The following TBC1D16 variants were observed in gnomAD, a reference collection of about 807,000 sequenced individuals.
TBC1D16 encodes CTD-2529O21.1.
Under a neutral mutation model 74.7 loss-of-function variants are expected in TBC1D16, and 58 were observed. The observed-to-expected ratio is 0.78, with a 90% CI of 0.63 to 0.97. The LOEUF (loss-of-function observed/expected upper bound fraction) is 0.97. TBC1D16 is among the 50% of genes least tolerant of loss of function. The pLI, the probability that TBC1D16 is intolerant of heterozygous loss-of-function variation, is 0.00. For synonymous variants in TBC1D16, 493 were observed against 474.7 expected, an observed-to-expected ratio of 1.04 and a Z score of -0.50; for missense variants, 1,014 against 1,079.5, an observed-to-expected ratio of 0.94 and a Z score of 0.85.
chr17:79,932,609 C>A lies in TBC1D16; in HGVS notation c.*8250G>T, dbSNP rs1275488616. 1 of 152,224 alleles carries A rather than the reference C, an allele frequency of 6.6e-6. No homozygotes were observed. The highest frequency in any genetic ancestry group is 2.4e-5 in the African/African-American group (1 of 41,450). 9.4% of individuals were successfully genotyped at this position (152,224 alleles called of 1,614,324 possible). ...GTGCCAATTCACATTGACTTGTAGC[C>A]ACTAGGACCCTGTGTCTTTTTCTAT... On this transcript the variant is annotated 3_prime_UTR_variant, in exon 12 of 12. Transcript: ENST00000310924.
intron 3 of TBC1D16, among the ~76,000 whole-genome samples, chr17:79,964,061 T>C (rs2033738387): frequency 6.6e-6 from 1 of 152,150 alleles, no homozygotes; most frequent in African/African-American, 2.4e-5. Context: ...CAGCAACCTC[T>C]GTTTTCCAGG....
At chr17:80,002,086 C>A (rs944833757) in intron 3 of TBC1D16, among the ~76,000 whole-genome samples, 2 of 152,164 alleles carry the variant, frequency 1.3e-5, no homozygotes, top group Admixed American at 6.5e-5. Flanking sequence ...GGATCCGGAA[C>A]GAGCAGAGCT....
At chr17:79,978,332 T>C (rs1177698449) in intron 3 of TBC1D16, among the ~76,000 whole-genome samples, 1 of 152,208 alleles carries the variant, frequency 6.6e-6, no homozygotes, top group African/African-American at 2.4e-5. Flanking sequence ...TCACGGCTAA[T>C]TAGGGAAGGT....
intron 1 of TBC1D16, among the ~76,000 whole-genome samples, chr17:80,025,063 T>C (rs1257058010): frequency 3.9e-5 from 3 of 77,778 alleles, no homozygotes; most frequent in Admixed American, 2.4e-4. Context: ...GCACACACAC[T>C]ATGACACACA....
rs555304949 is a variant in TBC1D16 at position 80,010,183 on chromosome 17, G to C, written c.756C>G (p.Ser252=). 5 of 1,611,032 alleles carry C rather than the reference G, an allele frequency of 3.1e-6. No individual in the cohort carries two copies. The highest frequency in any genetic ancestry group is 4.2e-6 in the Non-Finnish European group (5 of 1,178,668). Residue 252 remains serine (S), a synonymous_variant, in exon 3 of 12, where the codon TCC becomes TCG. Coordinates refer to ENST00000310924, the MANE Select transcript of TBC1D16 (RefSeq NM_019020.4). The surrounding 1 kb of genome is among the most constrained non-coding windows in gnomAD (Gnocchi z 8.8). ...ACCTGCTGTCACTTTCCAGAAACAC[G>C]GAGCCGCGGCTCTCGGCCAGCGCCG... ...ISAALAESRG[S]VFLESDSSPP...
intron 3 of TBC1D16, among the ~76,000 whole-genome samples, chr17:79,960,778 C>CAAA (rs1433555447): frequency 4.3e-5 from 1 of 23,150 alleles, no homozygotes; most frequent in Non-Finnish European, 8.4e-5. Flanking sequence ...AAACAAAAAC[C>CAAA]CAAAAAAAAA....
At chr17:79,962,377 G>C (rs2033656294) in intron 3 of TBC1D16, among the ~76,000 whole-genome samples, 2 of 151,386 alleles carry the variant, frequency 1.3e-5, no homozygotes, top group South Asian at 2.1e-4. Context: ...ACCACGCCTG[G>C]CTAATTTTTG....
In TBC1D16 at chr17:79,934,387, C is replaced by A. The variant is rs2031452218; in HGVS notation, c.*6472G>T. ...GGGATCATCCTTCCTGAGGAGCTGCCCTGCCCAGTCCCGTTGCCTTGGAGG... is the reference window on the plus strand; with the variant it reads ...GGGATCATCCTTCCTGAGGAGCTGCACTGCCCAGTCCCGTTGCCTTGGAGG... On this transcript the variant is annotated 3_prime_UTR_variant, in exon 12 of 12. Transcript: ENST00000310924. 6.6e-6 allele frequency: 1 copy of A among 152,296 alleles called. No individual in the cohort carries two copies. Among genetic ancestry groups the A allele is most frequent in the Non-Finnish European group, 1.5e-5 (1 of 68,110 alleles). The allele number at this position is 152,296 out of a possible 1,614,324, so 9.4% of individuals were successfully genotyped here.
intron 3 of TBC1D16, among the ~76,000 whole-genome samples, chr17:79,984,890 C>T (rs138042834): frequency 6.9e-6 from 1 of 145,500 alleles, no homozygotes; most frequent in South Asian, 2.5e-4. Flanking sequence ...TGGCTCCCCC[C>T]CACCCACCCC....
intron 3 of TBC1D16, among the ~76,000 whole-genome samples, chr17:79,995,775 ACT>A (rs1203176973): frequency 6.6e-6 from 1 of 151,928 alleles, no homozygotes; most frequent in African/African-American, 2.4e-5. Flanking sequence ...ACAGAGCGAA[ACT>A]CTGTCTCAAA....
rs375368830 is a variant in TBC1D16 at position 80,010,682 on chromosome 17, C to A, written c.257G>T (p.Arg86Leu). Residue 86 changes from arginine (R) to leucine (L), a missense_variant, in exon 3 of 12, where the codon CGC (arginine) becomes CTC (leucine). Arg to Leu is a moderately radical substitution (Grantham distance 102). Transcript: ENST00000310924. This position sits in a 1 kb window ranked among gnomAD's most constrained non-coding sequence, Gnocchi z 8.8. ...GGCCTCCTCGTCCTGCCTCTGGATG[C>A]GAGAGTTGGGGACCCATGCCAGGAT... ...TLILAWVPNS[R>L]IQRQDEEALR... The A allele has an allele frequency of 1.3e-6, 2 of 1,524,690 alleles. No homozygotes were observed. Among genetic ancestry groups the A allele is most frequent in the Admixed American group, 2.2e-5 (1 of 45,164 alleles). The allele number at this position is 1,524,690 out of a possible 1,614,324, so 94.4% of individuals were successfully genotyped here.
At chr17:80,024,061 G>C (rs937955128) in intron 1 of TBC1D16, 2 of 127,708 alleles carry the variant, frequency 1.6e-5, no homozygotes, top group Non-Finnish European at 3.6e-5. Flanking sequence ...CAAATCCCTC[G>C]CCGGCCGGCT....
chr17:79,981,624 G>A lies in TBC1D16; in HGVS notation c.779+28536C>T, dbSNP rs1254788148. ...TAAGCCATCCTACCAGCAACACTTCGTTTTCCAAAGCGGGGAGGCCAAACC... is the reference window on the plus strand; with the variant it reads ...TAAGCCATCCTACCAGCAACACTTCATTTTCCAAAGCGGGGAGGCCAAACC... On this transcript the variant is annotated intron_variant, in intron 3 of 11. Transcript: ENST00000310924. The surrounding 1 kb of genome is among the most constrained non-coding windows in gnomAD (Gnocchi z 6.9). 1.3e-5 allele frequency among the ~76,000 whole-genome samples: 2 copies of A among 152,352 alleles called. No homozygotes were observed. Among genetic ancestry groups the A allele is most frequent in the South Asian group, 2.1e-4 (1 of 4,828 alleles).
At chr17:79,947,363 G>A (rs1404423906) in intron 9 of TBC1D16, among the ~76,000 whole-genome samples, 1 of 152,186 alleles carries the variant, frequency 6.6e-6, no homozygotes, top group African/African-American at 2.4e-5. Flanking sequence ...TTCCTTGCCA[G>A]CCAGGGAGCT....
At chr17:80,003,690 G>A (rs2144614946) in intron 3 of TBC1D16, among the ~76,000 whole-genome samples, 1 of 152,140 alleles carries the variant, frequency 6.6e-6, no homozygotes, top group African/African-American at 2.4e-5. Context: ...CTAACACGTG[G>A]GCACACCTTC....
intron 3 of TBC1D16, among the ~76,000 whole-genome samples, chr17:80,002,964 C>G (rs951931762): frequency 1.3e-5 from 2 of 152,128 alleles, no homozygotes; most frequent in Non-Finnish European, 2.9e-5. Flanking sequence ...AAGCTCAGGT[C>G]CCAGCAGGGG....
intron 3 of TBC1D16, among the ~76,000 whole-genome samples, chr17:79,998,641 G>A (rs990917657): frequency 2.7e-5 from 4 of 149,564 alleles, no homozygotes; most frequent in East Asian, 4.0e-4. Context: ...CACCGCACCC[G>A]GCCCAGATTG....
intron 3 of TBC1D16, among the ~76,000 whole-genome samples, chr17:79,962,363 C>T (rs775816071): frequency 2.0e-5 from 3 of 151,406 alleles, no homozygotes; most frequent in Admixed American, 6.6e-5. Context: ...TACAGGTACC[C>T]GCCACCACGC....
chr17:79,978,843 C>T (rs955148873), intron 3 of TBC1D16, among the ~76,000 whole-genome samples: 1 of 152,158 alleles, frequency 6.6e-6, no homozygotes, highest in Non-Finnish European at 1.5e-5. Context: ...ACGCTGGGTA[C>T]ATCTAATAAA....
Sources: allele counts gnomAD v4.1 joint callset (sites outside exome capture counted in the v4.1 genomes callset), GRCh38; gene constraint gnomAD v4.1.1; non-coding constraint Gnocchi (gnomAD v3.1); transcripts MANE v1.5; gene names NCBI Gene and HGNC (gene_info 2026-07-23, HGNC 2026-07-21).